Variants in CNTN4 observed in about 807,000 individuals in gnomAD.
CNTN4 encodes contactin-4.
Under a neutral mutation model 122.5 loss-of-function variants are expected in CNTN4, and 77 were observed. That is an observed-to-expected ratio of 0.63 (90% confidence interval 0.52 to 0.76). The LOEUF (loss-of-function observed/expected upper bound fraction) is 0.76. Among genes scored for constraint, CNTN4 ranks in the 30% least tolerant of loss-of-function variants. CNTN4 has a pLI of 0.00. For synonymous variants in CNTN4, 512 were observed against 447.0 expected (o/e 1.15, Z -1.83); for missense variants, 1,256 against 1,259.1 (o/e 1.00, Z 0.04).
chr3:2,734,150 C>T (rs896720098), intron 4 of CNTN4, among the ~76,000 whole-genome samples: 9 of 152,052 alleles, frequency 5.9e-5, no homozygotes, highest in Non-Finnish European at 1.3e-4. Flanking sequence ...AGCCTTGATC[C>T]CCCCAGATCA....
chr3:2,409,312 A>G (rs890640001), intron 3 of CNTN4, among the ~76,000 whole-genome samples: 3 of 146,556 alleles, frequency 2.0e-5, no homozygotes, highest in African/African-American at 7.6e-5. Flanking sequence ...CAGTGGCATG[A>G]TCTTGACTCA....
At chr3:3,047,316 G>A (rs1700761704) in intron 23 of CNTN4, among the ~76,000 whole-genome samples, 1 of 152,150 alleles carries the variant, frequency 6.6e-6, no homozygotes, top group South Asian at 2.1e-4. Flanking sequence ...CAAATCAACA[G>A]AATATACATT....
chr3:2,733,524 A>G (rs899183635), intron 4 of CNTN4, among the ~76,000 whole-genome samples: 3 of 136,276 alleles, frequency 2.2e-5, no homozygotes, highest in Non-Finnish European at 4.5e-5. Context: ...TTTAAAGTGC[A>G]TGTTTGTGTT....
At chr3:2,511,742 G>T (rs2076894526) in intron 3 of CNTN4, 1 of 152,262 alleles carries the variant, frequency 6.6e-6, no homozygotes, top group African/African-American at 2.4e-5. Context: ...ACAGCTCCAT[G>T]TGAATGTGAC....
intron 2 of CNTN4, among the ~76,000 whole-genome samples, chr3:2,128,164 T>A (rs2034270977): frequency 6.6e-6 from 1 of 152,204 alleles, no homozygotes; most frequent in South Asian, 2.1e-4. Flanking sequence ...AATTTGTGGC[T>A]TATTTTTAAC....
chr3:2,110,583 C>T (rs568929179), intron 2 of CNTN4: 1 of 152,290 alleles, frequency 6.6e-6, no homozygotes, highest in South Asian at 2.1e-4. Flanking sequence ...TATAATCTTT[C>T]GCTTTGGTGA....
At chr3:3,024,408 A>C (rs1054439955) in intron 14 of CNTN4, among the ~76,000 whole-genome samples, 1 of 142,062 alleles carries the variant, frequency 7.0e-6, no homozygotes, top group Non-Finnish European at 1.5e-5. Flanking sequence ...AAAAAAAAAA[A>C]CAACTTCATC....
chr3:2,632,619 C>A (rs1339051138), intron 4 of CNTN4, among the ~76,000 whole-genome samples: 1 of 152,074 alleles, frequency 6.6e-6, no homozygotes, highest in African/African-American at 2.4e-5. Context: ...CCTCTTAGGG[C>A]GTGATTTAAC....
At chr3:2,826,733 C>G (rs1232372058) in intron 7 of CNTN4, among the ~76,000 whole-genome samples, 1 of 152,178 alleles carries the variant, frequency 6.6e-6, no homozygotes, top group African/African-American at 2.4e-5. Context: ...GGTCACTGAG[C>G]CAGGACGAAT....
intron 3 of CNTN4, among the ~76,000 whole-genome samples, chr3:2,551,914 G>A (rs765211560): frequency 2.2e-4 from 33 of 152,162 alleles, no homozygotes; most frequent in Middle Eastern, 3.4e-3. Context: ...AAACAGTGAA[G>A]TATCAGAGAG....
intron 4 of CNTN4, among the ~76,000 whole-genome samples, chr3:2,621,758 A>G (rs1226304605): frequency 1.3e-5 from 2 of 152,202 alleles, no homozygotes; most frequent in East Asian, 1.9e-4. Flanking sequence ...AGTTGTAAGC[A>G]GCATTTTTCA....
chr3:2,237,303 T>C (rs1284330713), intron 2 of CNTN4, among the ~76,000 whole-genome samples: 1 of 152,014 alleles, frequency 6.6e-6, no homozygotes, highest in Non-Finnish European at 1.5e-5. Context: ...TCACATTGAA[T>C]TTAAATTTAG....
intron 3 of CNTN4, among the ~76,000 whole-genome samples, chr3:2,378,366 A>G (rs933317052): frequency 2.0e-5 from 3 of 152,162 alleles, no homozygotes; most frequent in African/African-American, 4.8e-5. Flanking sequence ...GTGAGAGGAC[A>G]GTCCTGGCTG....
chr3:2,733,438 G>A (rs2088838382), intron 4 of CNTN4, among the ~76,000 whole-genome samples: 1 of 150,890 alleles, frequency 6.6e-6, no homozygotes, highest in East Asian at 1.9e-4. Flanking sequence ...AAATATCTGT[G>A]TAATTGTTAA....
intron 3 of CNTN4, among the ~76,000 whole-genome samples, chr3:2,372,802 G>T (rs2045680800): frequency 6.6e-6 from 1 of 152,140 alleles, no homozygotes; most frequent in African/African-American, 2.4e-5. Flanking sequence ...TATAATTTCG[G>T]CACTTTGGGA....
intron 7 of CNTN4, among the ~76,000 whole-genome samples, chr3:2,853,777 A>G (rs2093585723): frequency 6.7e-6 from 1 of 149,772 alleles, no homozygotes; most frequent in Admixed American, 6.8e-5. Context: ...CTGTTTGTTC[A>G]GTTTGAATTT....
intron 4 of CNTN4, among the ~76,000 whole-genome samples, chr3:2,653,187 C>A (rs1387337143): frequency 1.3e-5 from 2 of 151,940 alleles, no homozygotes; most frequent in Admixed American, 6.6e-5. Flanking sequence ...TAAATCTCCA[C>A]AATTTTTAAA....
At chr3:2,485,924 C>A (rs1326934644) in intron 3 of CNTN4, among the ~76,000 whole-genome samples, 9 of 152,180 alleles carry the variant, frequency 5.9e-5, no homozygotes, top group Non-Finnish European at 1.3e-4. Context: ...TAAAAGCAGG[C>A]TGCCTGAGCC....
At chr3:3,012,972 A>G (rs1373640836) in intron 14 of CNTN4, among the ~76,000 whole-genome samples, 1 of 151,962 alleles carries the variant, frequency 6.6e-6, no homozygotes, top group Admixed American at 6.5e-5. Context: ...CCATCTAAAA[A>G]ATAAAAAAAT....
Sources: allele counts gnomAD v4.1 joint callset (sites outside exome capture counted in the v4.1 genomes callset), GRCh38; gene constraint gnomAD v4.1.1; transcripts MANE v1.5; gene names NCBI Gene and HGNC (gene_info 2026-07-23, HGNC 2026-07-21).